RBIS: variants seen among roughly 807,000 people sequenced by gnomAD.
RBIS encodes the protein ribosome biogenesis factor identified in screen.
Under a neutral mutation model 9.8 loss-of-function variants are expected in RBIS, and 9 were observed. The observed-to-expected ratio is 0.92, with a 90% CI of 0.56 to 1.61. RBIS has a LOEUF of 1.61. RBIS is among the 40% of genes most tolerant of loss of function. The pLI, the probability that RBIS is intolerant of heterozygous loss-of-function variation, is 0.00. For missense variants in RBIS, 103 were observed against 116.0 expected (o/e 0.89, Z 0.51); for synonymous variants, 35 against 37.9 (o/e 0.92, Z 0.28).
intron 2 of RBIS, 62 bp downstream of exon 2, chr8:85,217,324 A>G: frequency 2.1e-6 from 2 of 935,326 alleles, no homozygotes; most frequent in Non-Finnish European, 3.6e-6. Flanking sequence ...ACAGCTGTTC[A>G]GTAGCTTACA....
At chr8:85,216,936 A>T (rs2129818768) in intron 2 of RBIS, 1 of 187,408 alleles carries the variant, frequency 5.3e-6, no homozygotes, top group African/African-American at 2.3e-5. Flanking sequence ...ATTTCAATAA[A>T]TATTTTTTAT....
rs1244178970 is a variant in RBIS, at chr8:85,214,197, A to G, written c.*363T>C. The stretch of plus-strand genomic sequence containing the variant: ...AGGACACTACAGGTCATCAAAAACA[A>G]GTTGGCCAAGGACTCATTACTTGTC... On this transcript the variant is annotated 3_prime_UTR_variant, in exon 4 of 4. Transcript: ENST00000619594. 1 of 535,646 alleles carries G rather than the reference A, an allele frequency of 1.9e-6. No individual in the cohort carries two copies. The highest frequency in any genetic ancestry group is 2.2e-5 in the Admixed American group (1 of 44,872). The allele number at this position is 535,646 out of a possible 1,614,324, so 33.2% of individuals were successfully genotyped here.
intron 2 of RBIS, chr8:85,216,161 C>T (rs1009251760): frequency 4.6e-5 from 7 of 152,258 alleles, no homozygotes; most frequent in African/African-American, 1.2e-4. Flanking sequence ...GCTGTCATCC[C>T]GCATCTATAC....
intron 2 of RBIS, chr8:85,215,260 A>C: frequency 3.8e-6 from 1 of 263,752 alleles, no homozygotes; most frequent in East Asian, 7.9e-5. Context: ...ATGGTTCAGA[A>C]GGCTAAAATA....
At chr8:85,217,139 A>T (rs1407609114) in intron 2 of RBIS, 2 of 604,674 alleles carry the variant, frequency 3.3e-6, no homozygotes, top group Non-Finnish European at 5.8e-6. Context: ...CAGTAAAACT[A>T]TTAAATTGAA....
At chr8:85,220,242 C>A (rs1185393060) in intron 1 of RBIS, 64 bp downstream of exon 1, 2 of 152,298 alleles carry the variant, frequency 1.3e-5, no homozygotes, top group East Asian at 1.9e-4. Context: ...CCGGCCCAAT[C>A]CAACCCCGAC....
At chr8:85,214,693 T>G (rs1011342632) in intron 3 of RBIS, 62 bp from the exon 4 acceptor site, 3 of 1,020,350 alleles carry the variant, frequency 2.9e-6, no homozygotes, top group Non-Finnish European at 3.1e-6. Context: ...ATGACTTATA[T>G]AAGCTGTTAT....
chr8:85,216,277 C>G (rs1813149990), intron 2 of RBIS: 1 of 152,202 alleles, frequency 6.6e-6, no homozygotes, highest in African/African-American at 2.4e-5. Context: ...TGACAGCTTC[C>G]CTCGCAGTCC....
At chr8:85,218,849 A>T (rs894735077) in intron 1 of RBIS, 5 of 152,244 alleles carry the variant, frequency 3.3e-5, no homozygotes, top group Non-Finnish European at 7.3e-5. Flanking sequence ...TTAATTAATT[A>T]AAAAATAAAG....
chr8:85,214,422 T>G lies in RBIS; in HGVS notation c.*138A>C. 1.5e-6 allele frequency: 1 copy of G among 671,146 alleles called. No homozygotes were observed. The highest frequency in any genetic ancestry group is 2.7e-6 in the Non-Finnish European group (1 of 377,272). 41.6% of individuals were successfully genotyped at this position (671,146 alleles called of 1,614,324 possible). On this transcript the variant is annotated 3_prime_UTR_variant, in exon 4 of 4. Transcript: ENST00000619594. ...ACTTCTGACATTCCACTTTCCTAGG[T>G]TATAGGAAAGATCTGTTTATGTAGT... is the stretch of plus-strand genomic sequence containing the variant.
chr8:85,219,436 C>T (rs1813277009), intron 1 of RBIS: 1 of 152,088 alleles, frequency 6.6e-6, no homozygotes, highest in Non-Finnish European at 1.5e-5. Flanking sequence ...CATAATAAAA[C>T]CCCTCAAATG....
chr8:85,217,278 G>C, intron 2 of RBIS, 108 bp downstream of exon 2: 3 of 754,786 alleles, frequency 4.0e-6, no homozygotes, highest in Non-Finnish European at 4.8e-6. Flanking sequence ...TACCTTTCTA[G>C]GAAAAATGAA....
chr8:85,214,900 A>C (rs1813074243), intron 3 of RBIS, 21 bp downstream of exon 3: 2 of 1,322,082 alleles, frequency 1.5e-6, no homozygotes, highest in African/African-American at 2.9e-5. Context: ...CCATAAAAAA[A>C]AGCAAATGAT....
rs1813325631 is a variant in RBIS at position 85,220,345 on chromosome 8, GT to G, written c.-44del. 1.3e-5 allele frequency: 2 copies of G among 152,246 alleles called. No individual in the cohort carries two copies. Among genetic ancestry groups the G allele is most frequent in the African/African-American group, 4.8e-5 (2 of 41,452 alleles). 9.4% of individuals were successfully genotyped at this position (152,246 alleles called of 1,614,324 possible). ...TTGCGTGCAGCTTTTTAAGCTCCAGGTAACACCATCTGGCACGTACGGCGTC... is the reference window on the plus strand; with the variant it reads ...TTGCGTGCAGCTTTTTAAGCTCCAGGAACACCATCTGGCACGTACGGCGTC... On this transcript the variant is annotated 5_prime_UTR_variant, in exon 1 of 4. An upstream open reading frame in the 5' UTR loses its in-frame stop. Coordinates refer to ENST00000619594, the MANE Select transcript of RBIS (RefSeq NM_001099673.3).
chr8:85,217,468 G>A lies in RBIS; in HGVS notation c.32C>T (p.Ser11Phe). MAKNKLRGPK[S>F]RNVFHIASQK... Reference sequence around the variant, plus strand: ...GCTGGCTATGTGAAATACATTCCTGGACTTCGGCCCTCTTAATTTGTTCTT... The same window carrying A: ...GCTGGCTATGTGAAATACATTCCTGAACTTCGGCCCTCTTAATTTGTTCTT... The change falls in exon 2 of 4, where the codon TCC (serine) becomes TTC (phenylalanine). Residue 11 changes from serine to phenylalanine, a missense_variant. Physicochemically the swap from Ser to Phe is radical, Grantham distance 155. Coordinates refer to ENST00000619594, the MANE Select transcript of RBIS (RefSeq NM_001099673.3). The A allele has an allele frequency of 6.2e-7, 1 of 1,611,966 alleles. No homozygotes were observed.
chr8:85,217,054 T>C, intron 2 of RBIS: 1 of 469,932 alleles, frequency 2.1e-6, no homozygotes. Flanking sequence ...TTGCCTCTAT[T>C]AATACATTCT....
chr8:85,217,601 C>T, intron 1 of RBIS, 99 bp from the exon 2 acceptor site: 1 of 741,534 alleles, frequency 1.3e-6, no homozygotes, highest in Admixed American at 2.5e-5. Flanking sequence ...AAAATTCTAT[C>T]TTACTCTTGA....
Position 85,214,626 on chromosome 8 carries a change from A to G in RBIS, c.237T>C (p.Pro79=). Residue 79 remains proline (P), a synonymous_variant, in exon 4 of 4, where the codon CCT becomes CCC. Transcript: ENST00000619594. ...SLEPLQKELI[P]QQRHESKPVN... The stretch of plus-strand genomic sequence containing the variant: ...CTGGTTTGCTTTCATGACGCTGCTG[A>G]GGAATCTGAAAGGAGAAAGTATTAT... 2 of 1,554,710 alleles carry G rather than the reference A, an allele frequency of 1.3e-6. No homozygotes were observed. Among genetic ancestry groups the G allele is most frequent in the Non-Finnish European group, 8.9e-7 (1 of 1,126,538 alleles).
At chr8:85,218,983 C>G (rs1312762578) in intron 1 of RBIS, 1 of 152,256 alleles carries the variant, frequency 6.6e-6, no homozygotes, top group Admixed American at 6.5e-5. Flanking sequence ...TCTGCCAACT[C>G]CTGGCTTAAG....
Sources: gnomAD v4.1 joint callset for allele counts on GRCh38, gnomAD v4.1.1 for gene constraint, MANE v1.5 for transcripts, NCBI Gene and HGNC (gene_info 2026-07-23, HGNC 2026-07-21) for gene names.